Variants in PCDH7 observed in about 807,000 individuals in gnomAD.
The protein encoded by PCDH7 is protocadherin-7.
Under a neutral mutation model 58.9 loss-of-function variants are expected in PCDH7, and 17 were observed. The observed-to-expected ratio is 0.29, with a 90% CI of 0.20 to 0.43. PCDH7 has a LOEUF of 0.43. Among genes scored for constraint, PCDH7 ranks in the 20% least tolerant of loss-of-function variants. The pLI, the probability that PCDH7 is intolerant of heterozygous loss-of-function variation, is 1.00. For synonymous variants in PCDH7, 664 were observed against 616.4 expected, an observed-to-expected ratio of 1.08 and a Z score of -1.14; for missense variants, 1,274 against 1,441.0, an observed-to-expected ratio of 0.88 and a Z score of 1.88.
chr4:30,776,216 AC>A (rs1348390377), intron 1 of PCDH7: 5 of 152,232 alleles, frequency 3.3e-5, no homozygotes, highest in African/African-American at 7.2e-5. Context: ...GAGGTGTACC[AC>A]ATTCATTGAC....
rs371376963 is a variant in PCDH7, at chr4:30,721,550, C to A, written c.128C>A (p.Pro43His). The A allele has an allele frequency of 6.2e-7, 1 of 1,603,446 alleles. No individual in the cohort carries two copies. The highest frequency in any genetic ancestry group is 1.1e-5 in the South Asian group (1 of 91,052). ...CGGTACCGGCTGGCCGAGGAGGGCC[C>A]CGCCGACGTCCGCATCGGCAACGTG... The change falls in exon 1 of 2, where the codon CCC becomes CAC. Residue 43 changes from proline (P) to histidine (H), a missense_variant. Pro to His is a moderately conservative substitution (Grantham distance 77). Around this residue, in one of 3 missense-constraint regions of PCDH7, gnomAD observed 212 missense variants for 255.8 expected, o/e 0.83. Coordinates refer to ENST00000361762, the Ensembl canonical transcript of PCDH7. This position sits in a 1 kb window ranked among gnomAD's most constrained non-coding sequence, Gnocchi z 6.7.
chr4:30,976,278 A>T (rs1409622405), intron 3 of PCDH7, among the ~76,000 whole-genome samples: 2 of 151,588 alleles, frequency 1.3e-5, no homozygotes, highest in African/African-American at 4.9e-5. Flanking sequence ...TTTAGTAGAG[A>T]TGGGGTTTCT....
intron 3 of PCDH7, among the ~76,000 whole-genome samples, chr4:31,007,668 G>A (rs951069812): frequency 2.0e-5 from 3 of 151,366 alleles, no homozygotes; most frequent in South Asian, 2.1e-4. Flanking sequence ...GAAGGAGCAA[G>A]AATATATGCT....
At chr4:30,915,423 C>G (rs1416439623) in intron 1 of PCDH7, among the ~76,000 whole-genome samples, 2 of 152,172 alleles carry the variant, frequency 1.3e-5, no homozygotes, top group Non-Finnish European at 2.9e-5. Context: ...CTTAATGTCT[C>G]TGATGCTTTT....
At chr4:30,726,315 G>A (rs1043679482) in intron 1 of PCDH7, among the ~76,000 whole-genome samples, 1 of 151,918 alleles carries the variant, frequency 6.6e-6, no homozygotes. Flanking sequence ...TTTACACCTC[G>A]GTTCTTATCC....
chr4:31,102,496 G>A (rs1715019615), intron 3 of PCDH7, among the ~76,000 whole-genome samples: 1 of 152,074 alleles, frequency 6.6e-6, no homozygotes, highest in African/African-American at 2.4e-5. Flanking sequence ...GCTGAGGTGG[G>A]CAGATCACTT....
At chr4:30,765,665 A>G (rs1260780572) in intron 1 of PCDH7, among the ~76,000 whole-genome samples, 2 of 152,310 alleles carry the variant, frequency 1.3e-5, no homozygotes, top group Middle Eastern at 3.4e-3. Context: ...TGTAAATCCT[A>G]TGGTGTAAAA....
At position 30,939,765 on chromosome 4, in the gene PCDH7, A is replaced by C. The variant is rs189932532; in HGVS notation, c.288-10355A>C. The stretch of plus-strand genomic sequence containing the variant: ...TATGCTATGAGATCTCAAAAGCAGG[A>C]ATCACTCTAGAATTATGCCTTTGAC... On this transcript the variant is annotated intron_variant, in intron 2 of 3. Coordinates refer to the PCDH7 transcript ENST00000509759. Among the ~76,000 whole-genome samples, 253 of 152,238 alleles carry C rather than the reference A, an allele frequency of 1.7e-3. 1 individual carries two copies. Among genetic ancestry groups the C allele is most frequent in the African/African-American group, 5.8e-3 (240 of 41,556 alleles).
At chr4:31,021,316 T>A (rs1753999956) in intron 3 of PCDH7, among the ~76,000 whole-genome samples, 1 of 152,156 alleles carries the variant, frequency 6.6e-6, no homozygotes, top group Admixed American at 6.5e-5. Context: ...ACTAGATTCA[T>A]CACCACACAA....
rs1723040798 is a variant in PCDH7, at chr4:30,783,511, C to A, written c.70+58915C>A. Among the ~76,000 whole-genome samples, 3 of 152,200 alleles carry A rather than the reference C, an allele frequency of 2.0e-5. No homozygotes were observed. In the South Asian group the frequency reaches 6.2e-4, roughly 31 times the overall value. Reference sequence around the variant, plus strand: ...ACTTGTACTTAATCTACACCAATTACATAGTGCATGATTTAGTATTGAAGC... The same window carrying A: ...ACTTGTACTTAATCTACACCAATTAAATAGTGCATGATTTAGTATTGAAGC... On this transcript the variant is annotated intron_variant, in intron 1 of 3. Transcript: ENST00000509759.
intron 1 of PCDH7, among the ~76,000 whole-genome samples, chr4:30,752,783 CAAAAAAAAA>C: frequency 1.0e-5 from 1 of 99,538 alleles, no homozygotes; most frequent in Admixed American, 1.1e-4. Flanking sequence ...CCTGTAGGGG[CAAAAAAAAA>C]AAAAAAAAAA....
intron 1 of PCDH7, among the ~76,000 whole-genome samples, chr4:30,739,510 T>G (rs1716796165): frequency 6.7e-6 from 1 of 149,446 alleles, no homozygotes; most frequent in Non-Finnish European, 1.5e-5. Flanking sequence ...ATCAATTTCA[T>G]ATACAGAGAT....
chr4:30,855,521 A>G (rs1424815378), intron 1 of PCDH7, among the ~76,000 whole-genome samples: 1 of 152,110 alleles, frequency 6.6e-6, no homozygotes. Flanking sequence ...ATCCTTAATC[A>G]CCAGTCAAAT....
At chr4:31,126,698 A>G (rs1718351279) in intron 3 of PCDH7, among the ~76,000 whole-genome samples, 1 of 152,168 alleles carries the variant, frequency 6.6e-6, no homozygotes, top group Non-Finnish European at 1.5e-5. Flanking sequence ...TAGAAAGCAG[A>G]GATTGCCAGT....
intron 3 of PCDH7, among the ~76,000 whole-genome samples, chr4:30,976,790 C>A (rs1188678664): frequency 2.0e-5 from 3 of 152,170 alleles, no homozygotes; most frequent in African/African-American, 7.2e-5. Context: ...ATTTTTATCT[C>A]ATTCTTGACA....
intron 2 of PCDH7, among the ~76,000 whole-genome samples, chr4:30,921,425 G>A (rs189133759): frequency 1.2e-3 from 186 of 152,006 alleles, no homozygotes; most frequent in African/African-American, 4.4e-3. Context: ...TATTAATGCA[G>A]GAGAAAGACT....
chr4:31,088,910 TTTAA>T lies in PCDH7; in HGVS notation c.*8-53559_*8-53556del, dbSNP rs369733068. On this transcript the variant is annotated intron_variant, in intron 3 of 3. Transcript: ENST00000509759. ...ATAATGTTAAAATATGTTTTTATGC[TTTAA>T]TTATTTTAATTACATGTTACAGTAT... Among the ~76,000 whole-genome samples, 869 of 152,218 alleles carry T rather than the reference TTTAA, an allele frequency of 5.7e-3. 3 individuals carry two copies. Among genetic ancestry groups the T allele is most frequent in the Middle Eastern group, 0.01 (3 of 294 alleles).
At position 30,838,075 on chromosome 4, in the gene PCDH7, C is replaced by T. The variant is rs114390783; in HGVS notation, c.71-82078C>T. On this transcript the variant is annotated intron_variant, in intron 1 of 3. Coordinates refer to the PCDH7 transcript ENST00000509759. ...GGGGGCTAGGAGAGATAATCGACTT[C>T]AGTTGTGTACAGAATGCCTGGGTGC... is the stretch of plus-strand genomic sequence containing the variant. Among the ~76,000 whole-genome samples, 1,511 of 151,824 alleles carry T rather than the reference C, an allele frequency of 1.0e-2. 29 individuals are homozygous for T. The highest frequency in any genetic ancestry group is 0.034 in the African/African-American group (1,429 of 41,424).
At chr4:30,801,399 G>C (rs1474868489) in intron 1 of PCDH7, among the ~76,000 whole-genome samples, 1 of 152,052 alleles carries the variant, frequency 6.6e-6, no homozygotes, top group Non-Finnish European at 1.5e-5. Flanking sequence ...ATCTTGATAA[G>C]CCATGGAAGG....
Sources: gnomAD v4.1 joint callset for allele counts (sites outside exome capture counted in the v4.1 genomes callset) on GRCh38, gnomAD v4.1.1 for gene constraint, gnomAD v4.1.1 regional missense constraint, Gnocchi (gnomAD v3.1) non-coding constraint, MANE v1.5 for transcripts, NCBI Gene and HGNC (gene_info 2026-07-23, HGNC 2026-07-21) for gene names.